The following C8orf34 variants were observed in gnomAD, a reference collection of about 807,000 sequenced individuals.
C8orf34 encodes the protein chromosome 8 open reading frame 34.
C8orf34 carries 65 observed loss-of-function variants against 68.3 expected under a neutral mutation model. The observed-to-expected ratio is 0.95, with a 90% confidence interval of 0.78 to 1.17. C8orf34 has a LOEUF of 1.17. Among genes scored for constraint, C8orf34 ranks in the 50% most tolerant of loss-of-function variants. The pLI is 0.00. For synonymous variants in C8orf34, 244 were observed against 241.2 expected, an observed-to-expected ratio of 1.01 and a Z score of -0.11; for missense variants, 664 against 655.4, an observed-to-expected ratio of 1.01 and a Z score of -0.14.
intron 1 of C8orf34, among the ~76,000 whole-genome samples, chr8:68,394,465 C>T (rs1808609753): frequency 6.6e-6 from 1 of 151,916 alleles, no homozygotes; most frequent in African/African-American, 2.4e-5. Flanking sequence ...ATATGTGCCA[C>T]ATTTTCTTAA....
intron 1 of C8orf34, among the ~76,000 whole-genome samples, chr8:68,385,260 A>G (rs192454516): frequency 2.8e-4 from 43 of 152,268 alleles, no homozygotes; most frequent in African/African-American, 1.0e-3. Flanking sequence ...GAGGTTAAGA[A>G]ACTTGTCCAA....
intron 10 of C8orf34, among the ~76,000 whole-genome samples, chr8:68,763,738 G>C (rs1438295619): frequency 6.6e-6 from 1 of 152,124 alleles, no homozygotes; most frequent in Non-Finnish European, 1.5e-5. Flanking sequence ...TTAGAAATTT[G>C]TGCTTCTTGT....
At chr8:68,592,593 C>CTTTTTTTTTT (rs1444802100) in intron 7 of C8orf34, among the ~76,000 whole-genome samples, 1 of 116,802 alleles carries the variant, frequency 8.6e-6, no homozygotes. Flanking sequence ...CAATTTATCT[C>CTTTTTTTTTT]TTCTTTTTTT....
intron 11 of C8orf34, among the ~76,000 whole-genome samples, chr8:68,780,438 G>T (rs1823642543): frequency 6.6e-6 from 1 of 152,138 alleles, no homozygotes; most frequent in Admixed American, 6.6e-5. Context: ...TGGCAAAATA[G>T]TCATGTACAT....
chr8:68,360,756 CTT>C lies in C8orf34; in HGVS notation c.327+29433_327+29434del, dbSNP rs397955906. On this transcript the variant is annotated intron_variant, in intron 1 of 13. Transcript: ENST00000518698. ...ATTTCCCTTTTCCTTTTCTTCCTTT[CTT>C]TTTTTTTTTTTTTTTCTTGAGCCTC... 4.2e-3 allele frequency among the ~76,000 whole-genome samples: 560 copies of C among 134,722 alleles called. 5 individuals are homozygous for C. The highest frequency in any genetic ancestry group is 7.1e-3 in the Non-Finnish European group (448 of 63,472). 88.4% of individuals were successfully genotyped at this position (134,722 alleles called of 152,430 possible). A position where few individuals can be genotyped will look rare whatever the true frequency, so the allele number is the denominator to read the frequency against.
intron 7 of C8orf34, among the ~76,000 whole-genome samples, chr8:68,600,014 A>G (rs1317954169): frequency 6.6e-6 from 1 of 152,148 alleles, no homozygotes; most frequent in Non-Finnish European, 1.5e-5. Context: ...CCAATAAGAA[A>G]GACACAAAAA....
Position 68,533,057 on chromosome 8 carries a change from T to C in C8orf34, c.1013T>C (p.Leu338Pro). ...CATAAGAAACTCCTGGCCGCAATGC[T>C]CTCTCAAGATTCTTTTGAGTCCATC... ...QQHKKLLAAM[L>P]SQDSFESIHS... is the part of the protein sequence containing the mutation. The change falls in exon 7 of 14, where the codon CTC becomes CCC. Residue 338 changes from leucine to proline, a missense_variant. Coordinates refer to ENST00000518698, the MANE Select transcript of C8orf34 (RefSeq NM_052958.4). The C allele has an allele frequency of 6.2e-7, 1 of 1,612,376 alleles. No homozygotes were observed. Among genetic ancestry groups the C allele is most frequent in the Non-Finnish European group, 8.5e-7 (1 of 1,178,582 alleles).
intron 10 of C8orf34, among the ~76,000 whole-genome samples, chr8:68,748,925 G>A (rs1026382481): frequency 3.3e-5 from 5 of 152,104 alleles, no homozygotes; most frequent in East Asian, 1.9e-4. Context: ...CTGCTATAAC[G>A]ACACATGCAC....
chr8:68,433,013 G>C (rs1341692377), intron 1 of C8orf34, among the ~76,000 whole-genome samples: 1 of 152,048 alleles, frequency 6.6e-6, no homozygotes, highest in Non-Finnish European at 1.5e-5. Context: ...TTTTAAATGG[G>C]GGCAATTTGA....
chr8:68,809,823 G>T (rs891605724), intron 12 of C8orf34, among the ~76,000 whole-genome samples: 1 of 152,148 alleles, frequency 6.6e-6, no homozygotes, highest in Non-Finnish European at 1.5e-5. Flanking sequence ...TGGTCTCATT[G>T]GAGGTAGTCT....
At chr8:68,339,324 G>A (rs1386635872) in intron 1 of C8orf34, among the ~76,000 whole-genome samples, 1 of 151,872 alleles carries the variant, frequency 6.6e-6, no homozygotes, top group African/African-American at 2.4e-5. Context: ...ACAATTACCT[G>A]TTTATGTAAT....
At position 68,331,343 on chromosome 8, in the gene C8orf34, A is replaced by T; in HGVS notation, c.327+4A>T. The T allele has an allele frequency of 6.5e-7, 1 of 1,536,352 alleles. No homozygotes were observed. On this transcript the variant is annotated splice_donor_region_variant and intron_variant, in intron 1 of 13. Coordinates refer to ENST00000518698, the MANE Select transcript of C8orf34 (RefSeq NM_052958.4). ...CAAGATCGGTCCCCTGTTTGAGGTAAGGCGCTGTGGAGGAGGGCAGTCCCG... is the reference window on the plus strand; with the variant it reads ...CAAGATCGGTCCCCTGTTTGAGGTATGGCGCTGTGGAGGAGGGCAGTCCCG...
chr8:68,812,321 TACA>T (rs1473365814), intron 12 of C8orf34, among the ~76,000 whole-genome samples: 7 of 152,320 alleles, frequency 4.6e-5, no homozygotes, highest in South Asian at 2.1e-4. Context: ...CTATTAAAAG[TACA>T]ACAACTGTTC....
At chr8:68,394,999 C>T (rs551625350) in intron 1 of C8orf34, among the ~76,000 whole-genome samples, 1 of 152,070 alleles carries the variant, frequency 6.6e-6, no homozygotes, top group Non-Finnish European at 1.5e-5. Context: ...TAGAGTATGA[C>T]TTTAAGCAGT....
intron 8 of C8orf34, among the ~76,000 whole-genome samples, chr8:68,707,963 A>G (rs1821218517): frequency 1.3e-5 from 2 of 152,176 alleles, no homozygotes; most frequent in East Asian, 3.9e-4. Context: ...ATAAAAAGGA[A>G]ATAGTAGAGA....
chr8:68,648,453 A>G (rs1337309348), intron 8 of C8orf34, among the ~76,000 whole-genome samples: 1 of 152,224 alleles, frequency 6.6e-6, no homozygotes, highest in African/African-American at 2.4e-5. Flanking sequence ...TTACTATTTC[A>G]ATAAAGTTTA....
chr8:68,595,148 T>C (rs1194209951), intron 7 of C8orf34, among the ~76,000 whole-genome samples: 1 of 150,810 alleles, frequency 6.6e-6, no homozygotes. Flanking sequence ...TTTTTTTTTT[T>C]ACAATAATAA....
chr8:68,634,722 A>G (rs1818786827), intron 7 of C8orf34, among the ~76,000 whole-genome samples: 1 of 152,168 alleles, frequency 6.6e-6, no homozygotes, highest in Non-Finnish European at 1.5e-5. Context: ...TGGTTCTGTC[A>G]CCTTTTAGAG....
intron 1 of C8orf34, among the ~76,000 whole-genome samples, chr8:68,437,096 C>T (rs186881981): frequency 1.2e-4 from 18 of 152,252 alleles, no homozygotes; most frequent in African/African-American, 3.1e-4. Context: ...ATTTCGCTCA[C>T]GATTGAACTT....
Sources: allele counts gnomAD v4.1 joint callset (sites outside exome capture counted in the v4.1 genomes callset), GRCh38; gene constraint gnomAD v4.1.1; transcripts MANE v1.5; gene names NCBI Gene and HGNC (gene_info 2026-07-23, HGNC 2026-07-21).